Variants in CSN1S1 observed in about 807,000 individuals in gnomAD.
The protein encoded by CSN1S1 is alpha-S1-casein.
In CSN1S1, 63 loss-of-function variants were observed where a neutral mutation model predicts 49.1. The ratio of observed to expected loss-of-function variants is 1.28; its 90% CI spans 1.05 to 1.58. The LOEUF is 1.58. Ranked by LOEUF, CSN1S1 falls within the 40% of genes most tolerant of loss-of-function variation. The probability of loss-of-function intolerance (pLI) is 0.00; values close to 1 mark genes in which losing one functional copy is unlikely to be tolerated. For missense variants in CSN1S1, 260 were observed against 224.7 expected (o/e 1.16, Z -1.01); for synonymous variants, 78 against 67.1 (o/e 1.16, Z -0.79).
chr4:69,942,185 A>T (rs937341517), intron 13 of CSN1S1, 122 bp downstream of exon 13: 1 of 611,554 alleles, frequency 1.6e-6, no homozygotes, highest in African/African-American at 1.9e-5. Context: ...ACACTATCTG[A>T]TAATATTTTA....
At chr4:69,932,028 A>G (rs1402429507) in intron 1 of CSN1S1, among the ~76,000 whole-genome samples, 3 of 151,896 alleles carry the variant, frequency 2.0e-5, no homozygotes, top group Non-Finnish European at 2.9e-5. Flanking sequence ...TAACGTGCAG[A>G]CAGGATTTTT....
rs1722888077 is a variant in CSN1S1, at chr4:69,938,843, A to G, written c.244-333A>G. Reference sequence around the variant, plus strand: ...CAGGGTTCTGGGTACCCAGCTAAATATGGTTCTTTCTTAGAGGTTTCATTT... The same window carrying G: ...CAGGGTTCTGGGTACCCAGCTAAATGTGGTTCTTTCTTAGAGGTTTCATTT... On this transcript the variant is annotated intron_variant, in intron 9 of 15. Coordinates refer to ENST00000246891, the MANE Select transcript of CSN1S1 (RefSeq NM_001890.2). 4.0e-5 allele frequency among the ~76,000 whole-genome samples: 6 copies of G among 151,692 alleles called. No homozygotes were observed. In the South Asian group the frequency reaches 1.2e-3, roughly 31 times the overall value.
chr4:69,936,447 A>G lies in CSN1S1; in HGVS notation c.130-9A>G, dbSNP rs201003270. 1.3e-6 allele frequency: 2 copies of G among 1,537,090 alleles called. No homozygotes were observed. Among genetic ancestry groups the G allele is most frequent in the Non-Finnish European group, 1.8e-6 (2 of 1,114,158 alleles). On this transcript the variant is annotated splice_polypyrimidine_tract_variant and intron_variant, in intron 5 of 15. Transcript: ENST00000246891. ...TAATATTGTTTATGTTTTCTTTTTT[A>G]TCCCTAAGGAATACATGAATGGTAT...
intron 9 of CSN1S1, among the ~76,000 whole-genome samples, 165 bp downstream of exon 9, chr4:69,937,988 T>C (rs1722847011): frequency 6.6e-6 from 1 of 151,896 alleles, no homozygotes; most frequent in Non-Finnish European, 1.5e-5. Flanking sequence ...TAATTTTAAC[T>C]TATTGAACTT....
chr4:69,936,290 A>T (rs1233931500), intron 5 of CSN1S1, among the ~76,000 whole-genome samples, 166 bp from the exon 6 acceptor site: 1 of 152,016 alleles, frequency 6.6e-6, no homozygotes, highest in African/African-American at 2.4e-5. Context: ...GAGAAAGACC[A>T]CTTAAGGTTA....
chr4:69,939,306 C>T (rs887468434), intron 10 of CSN1S1, 98 bp downstream of exon 10: 5 of 813,684 alleles, frequency 6.1e-6, no homozygotes, highest in Non-Finnish European at 9.9e-6. Context: ...TCTCATTGTA[C>T]AAGGCAGTGT....
chr4:69,946,213 A>T lies in CSN1S1; in HGVS notation c.*17A>T. 1.8e-6 allele frequency: 1 copy of T among 542,212 alleles called. No homozygotes were observed. Among genetic ancestry groups the T allele is most frequent in the Admixed American group, 3.3e-5 (1 of 30,590 alleles). 33.6% of individuals were successfully genotyped at this position (542,212 alleles called of 1,614,324 possible). Reference sequence around the variant, plus strand: ...ATTTACAGATATGATTGAAAATTTCATTCTCTGAATTTCTCCTCTCAAGGA... The same window carrying T: ...ATTTACAGATATGATTGAAAATTTCTTTCTCTGAATTTCTCCTCTCAAGGA... On this transcript the variant is annotated 3_prime_UTR_variant, in exon 16 of 16. Transcript: ENST00000246891.
At chr4:69,946,090 G>C in intron 15 of CSN1S1, 106 bp from the exon 16 acceptor site, 1 of 364,294 alleles carries the variant, frequency 2.7e-6, no homozygotes, top group Non-Finnish European at 5.3e-6. Flanking sequence ...TTGTGAGCTT[G>C]TCTAATACGA....
chr4:69,932,566 T>C lies in CSN1S1; in HGVS notation c.11T>C (p.Leu4Pro), dbSNP rs201502829. The C allele has an allele frequency of 7.7e-5, 124 of 1,603,724 alleles. No homozygotes were observed. Among genetic ancestry groups the C allele is most frequent in the Middle Eastern group, 1.6e-4 (1 of 6,074 alleles). The change falls in exon 2 of 16, where the codon CTC becomes CCC. Residue 4 changes from leucine (L) to proline (P), a missense_variant. Transcript: ENST00000246891. Reference sequence around the variant, plus strand: ...TAGGCTCTGATAACCATGAGGCTTCTCATTCTCACCTGTCTTGTGGCTGTT... The same window carrying C: ...TAGGCTCTGATAACCATGAGGCTTCCCATTCTCACCTGTCTTGTGGCTGTT... MRL[L>P]ILTCLVAVAL...
intron 4 of CSN1S1, among the ~76,000 whole-genome samples, chr4:69,934,954 G>C (rs946725003): frequency 4.6e-5 from 7 of 152,162 alleles, no homozygotes; most frequent in African/African-American, 1.7e-4. Flanking sequence ...AACTAATTAA[G>C]GTGTAGGTGT....
intron 9 of CSN1S1, among the ~76,000 whole-genome samples, chr4:69,938,849 C>A (rs138615606): frequency 6.6e-6 from 1 of 151,726 alleles, no homozygotes; most frequent in East Asian, 1.9e-4. Flanking sequence ...AAATATGGTT[C>A]TTTCTTAGAG....
chr4:69,931,768 T>C (rs998564256), intron 1 of CSN1S1, among the ~76,000 whole-genome samples: 2 of 151,888 alleles, frequency 1.3e-5, no homozygotes, highest in Non-Finnish European at 2.9e-5. Flanking sequence ...ACAAATAGTA[T>C]GTGTGACCTG....
chr4:69,937,650 T>G (rs1486887683), intron 8 of CSN1S1, 150 bp from the exon 9 acceptor site: 3 of 585,992 alleles, frequency 5.1e-6, no homozygotes, highest in Non-Finnish European at 8.8e-6. Context: ...GGCTCAGAGA[T>G]AAAGTAGGCA....
At chr4:69,939,281 A>G in intron 10 of CSN1S1, 73 bp downstream of exon 10, 7 of 1,112,302 alleles carry the variant, frequency 6.3e-6, no homozygotes, top group Non-Finnish European at 8.1e-6. Context: ...CGTGAGGATT[A>G]CATATCCCTT....
At position 69,942,574 on chromosome 4, in the gene CSN1S1, A is replaced by C; in HGVS notation, c.399A>C (p.Gln133His). ...IRRMNENSHV[Q>H]VPFQQLNQLA... ...GAATGAATGAAAACAGCCATGTCCA[A>C]GTGGTAATATTTTGCTTAATATATT... The change falls in exon 14 of 16, where the codon CAA (glutamine) becomes CAC (histidine). Residue 133 changes from glutamine to histidine, a missense_variant. By Grantham distance (24) the Gln-to-His change is conservative (BLOSUM62 0). Coordinates refer to ENST00000246891, the MANE Select transcript of CSN1S1 (RefSeq NM_001890.2). The C allele has an allele frequency of 6.3e-7, 1 of 1,584,282 alleles. No homozygotes were observed. Among genetic ancestry groups the C allele is most frequent in the Non-Finnish European group, 8.6e-7 (1 of 1,163,318 alleles).
rs1441917876 is a variant in CSN1S1, at chr4:69,946,186, C to T, written c.*-10C>T. ...TATAACTCACCACATATTTCTATTT[C>T]TATTTACAGATATGATTGAAAATTT... is the stretch of plus-strand genomic sequence containing the variant. On this transcript the variant is annotated splice_polypyrimidine_tract_variant and intron_variant, in intron 15 of 15. Transcript: ENST00000246891. 1.8e-6 allele frequency: 1 copy of T among 549,814 alleles called. No individual in the cohort carries two copies. The highest frequency in any genetic ancestry group is 3.4e-6 in the Non-Finnish European group (1 of 296,888). 34.1% of individuals were successfully genotyped at this position (549,814 alleles called of 1,614,324 possible).
At chr4:69,940,111 T>TCACA (rs35000195) in intron 11 of CSN1S1, 67 bp downstream of exon 11, 4,677 of 404,840 alleles carry the variant, frequency 0.012, 110 homozygotes, top group African/African-American at 0.066. Flanking sequence ...GCACTTACTT[T>TCACA]CACACACACA....
intron 14 of CSN1S1, 69 bp from the exon 15 acceptor site, chr4:69,944,781 G>A (rs1723098769): frequency 3.4e-6 from 5 of 1,475,952 alleles, no homozygotes; most frequent in Non-Finnish European, 4.7e-6. Context: ...GAGATGTATT[G>A]ATATTTTTCA....
At chr4:69,945,386 G>T (rs1723129664) in intron 15 of CSN1S1, among the ~76,000 whole-genome samples, 1 of 151,790 alleles carries the variant, frequency 6.6e-6, no homozygotes, top group Non-Finnish European at 1.5e-5. Flanking sequence ...AAAAACACTG[G>T]GTAGGTAATA....
Sources: gnomAD v4.1 joint callset for allele counts (sites outside exome capture counted in the v4.1 genomes callset) on GRCh38, gnomAD v4.1.1 for gene constraint, MANE v1.5 for transcripts, NCBI Gene and HGNC (gene_info 2026-07-23, HGNC 2026-07-21) for gene names.